Variants in CDH18 observed in about 807,000 individuals in gnomAD.
CDH18 encodes the protein cadherin 18.
CDH18 carries 31 observed loss-of-function variants against 67.9 expected under a neutral mutation model. The ratio of observed to expected loss-of-function variants is 0.46; its 90% CI spans 0.34 to 0.62. The LOEUF (loss-of-function observed/expected upper bound fraction) is 0.62, where lower values mean the gene tolerates loss of function less well. Among genes scored for constraint, CDH18 ranks in the 20% least tolerant of loss-of-function variants. The pLI, the probability that CDH18 is intolerant of heterozygous loss-of-function variation, is 0.01. For synonymous variants in CDH18, 362 were observed against 347.2 expected, an observed-to-expected ratio of 1.04 and a Z score of -0.48; for missense variants, 890 against 975.5, an observed-to-expected ratio of 0.91 and a Z score of 1.17.
At chr5:20,408,370 A>AT (rs1297882005) in intron 1 of CDH18, among the ~76,000 whole-genome samples, 1 of 152,028 alleles carries the variant, frequency 6.6e-6, no homozygotes, top group African/African-American at 2.4e-5. Context: ...AGAATAATGC[A>AT]TTTTTTTAAT....
intron 7 of CDH18, among the ~76,000 whole-genome samples, chr5:19,574,222 C>A (rs1219345352): frequency 1.3e-5 from 2 of 152,158 alleles, no homozygotes; most frequent in Admixed American, 1.3e-4. Context: ...TGCCTCAATA[C>A]TAACCTACCT....
intron 2 of CDH18, among the ~76,000 whole-genome samples, chr5:19,890,025 A>C (rs976305807): frequency 2.6e-5 from 4 of 152,194 alleles, no homozygotes; most frequent in African/African-American, 9.6e-5. Context: ...TAGTATAATC[A>C]AATTACCACA....
At chr5:19,630,484 G>A (rs533913126) in intron 5 of CDH18, among the ~76,000 whole-genome samples, 1 of 152,124 alleles carries the variant, frequency 6.6e-6, no homozygotes. Flanking sequence ...GGGTGTGTGT[G>A]TGTGTGTGTG....
chr5:19,756,672 A>G (rs1158030069), intron 3 of CDH18, among the ~76,000 whole-genome samples: 1 of 152,218 alleles, frequency 6.6e-6, no homozygotes, highest in Non-Finnish European at 1.5e-5. Flanking sequence ...GTTGGCTTAA[A>G]GGTAGGAGAA....
intron 1 of CDH18, among the ~76,000 whole-genome samples, chr5:20,464,209 CAG>C (rs1430599567): frequency 2.6e-5 from 4 of 152,026 alleles, no homozygotes; most frequent in African/African-American, 9.7e-5. Flanking sequence ...AAAAAAGAAA[CAG>C]AGACAAATGT....
chr5:19,687,693 C>G (rs571206519), intron 5 of CDH18, among the ~76,000 whole-genome samples: 33 of 152,328 alleles, frequency 2.2e-4, no homozygotes, highest in Non-Finnish European at 3.8e-4. Context: ...GCTGCAGCCA[C>G]TGCCGCCATC....
At chr5:20,454,111 C>T (rs1750672379) in intron 1 of CDH18, among the ~76,000 whole-genome samples, 1 of 152,150 alleles carries the variant, frequency 6.6e-6, no homozygotes, top group East Asian at 1.9e-4. Context: ...AAAACTTCAG[C>T]TAGCAAATTT....
chr5:19,817,248 A>G (rs1779387418), intron 3 of CDH18, among the ~76,000 whole-genome samples: 1 of 151,992 alleles, frequency 6.6e-6, no homozygotes, highest in Admixed American at 6.6e-5. Context: ...TCTGTAAAGA[A>G]ACAAACACTC....
intron 2 of CDH18, among the ~76,000 whole-genome samples, chr5:20,073,215 T>C (rs1561768463): frequency 6.6e-6 from 1 of 152,030 alleles, no homozygotes; most frequent in Non-Finnish European, 1.5e-5. Context: ...TTGCAAAACC[T>C]AATTTGTGAT....
intron 1 of CDH18, among the ~76,000 whole-genome samples, chr5:20,371,017 A>G (rs1742953274): frequency 6.7e-6 from 1 of 149,828 alleles, no homozygotes; most frequent in Admixed American, 6.6e-5. Context: ...ACCCTGGGCG[A>G]CAGGGCGAGA....
At chr5:20,558,397 C>T (rs1356316797) in intron 1 of CDH18, among the ~76,000 whole-genome samples, 1 of 151,990 alleles carries the variant, frequency 6.6e-6, no homozygotes, top group Non-Finnish European at 1.5e-5. Flanking sequence ...GTTAGTATCT[C>T]CAGACTACCA....
chr5:20,209,738 G>C (rs943994763), intron 2 of CDH18, among the ~76,000 whole-genome samples: 2 of 151,772 alleles, frequency 1.3e-5, no homozygotes. Flanking sequence ...TTTTAAAACA[G>C]CTATAAGACA....
chr5:20,331,918 A>G (rs574485410), intron 1 of CDH18, among the ~76,000 whole-genome samples: 124 of 152,334 alleles, frequency 8.1e-4, no homozygotes, highest in African/African-American at 2.6e-3. Flanking sequence ...GGAAGAGAAT[A>G]TTACAGAGTG....
chr5:19,614,876 G>A (rs533805587), intron 5 of CDH18, among the ~76,000 whole-genome samples: 11 of 152,198 alleles, frequency 7.2e-5, no homozygotes, highest in Middle Eastern at 3.4e-3. Flanking sequence ...GGCTGGGCGC[G>A]GCGGCTCAGG....
intron 2 of CDH18, among the ~76,000 whole-genome samples, chr5:19,916,606 A>G (rs1340893165): frequency 3.3e-5 from 5 of 152,204 alleles, no homozygotes; most frequent in African/African-American, 9.6e-5. Context: ...GAATGCAGCA[A>G]TAGGGTCTCC....
intron 2 of CDH18, among the ~76,000 whole-genome samples, chr5:19,898,325 A>C (rs1048582154): frequency 2.0e-5 from 3 of 147,196 alleles, no homozygotes; most frequent in South Asian, 2.2e-4. Context: ...CCTATTTTAC[A>C]TGTAGTCCAA....
At chr5:19,659,726 T>C (rs1756905618) in intron 5 of CDH18, among the ~76,000 whole-genome samples, 1 of 152,094 alleles carries the variant, frequency 6.6e-6, no homozygotes, top group Admixed American at 6.6e-5. Context: ...CCTTCTGCCA[T>C]GTGAGGATGC....
chr5:19,994,847 T>TAGAGAG (rs1270960698), intron 2 of CDH18, among the ~76,000 whole-genome samples: 542 of 32,160 alleles, frequency 0.017, 50 homozygotes, highest in Middle Eastern at 0.025. Flanking sequence ...TATATATATA[T>TAGAGAG]ATATATATAG....
intron 1 of CDH18, among the ~76,000 whole-genome samples, chr5:20,439,118 C>A (rs1432435401): frequency 6.6e-6 from 1 of 151,026 alleles, no homozygotes; most frequent in African/African-American, 2.4e-5. Context: ...GAAATATGTA[C>A]ATATTTGATC....
Sources: allele counts gnomAD v4.1 joint callset (sites outside exome capture counted in the v4.1 genomes callset), GRCh38; gene constraint gnomAD v4.1.1; transcripts MANE v1.5; gene names NCBI Gene and HGNC (gene_info 2026-07-23, HGNC 2026-07-21).